The following ZNF275 variants were observed in gnomAD, a reference collection of about 807,000 sequenced individuals.
ZNF275 encodes zinc finger protein 275.
Under a neutral mutation model 4.3 loss-of-function variants are expected in ZNF275, and 4 were observed. The ratio of observed to expected loss-of-function variants is 0.93; its 90% confidence interval spans 0.46 to 2.13. The LOEUF is 2.13. ZNF275 is among the 30% of genes most tolerant of loss of function. The pLI is 0.02. For synonymous variants in ZNF275, 173 were observed against 166.9 expected (o/e 1.04, Z -0.28); for missense variants, 352 against 397.1 (o/e 0.89, Z 0.97).
rs2088548364 is a variant in ZNF275, at chrX:153,350,268, C to T, written c.*2293C>T. 1 of 124,168 alleles carries T rather than the reference C, an allele frequency of 8.1e-6. No homozygotes were observed. Among genetic ancestry groups the T allele is most frequent in the African/African-American group, 3.2e-5 (1 of 31,076 alleles). 10.2% of individuals were successfully genotyped at this position (124,168 alleles called of 1,213,427 possible). A position where few individuals can be genotyped will look rare whatever the true frequency, so the allele number is the denominator to read the frequency against. ...AGAGGCTCGGAGAGGAACCCTGCCC[C>T]TCCGATGGCTTGTGCGTTATGCTGA... On this transcript the variant is annotated 3_prime_UTR_variant, in exon 4 of 4. Transcript: ENST00000650114.
chrX:153,345,713 TAGG>T lies in ZNF275; in HGVS notation c.133+93_133+95del. The T allele has an allele frequency of 1.9e-5, 13 of 691,861 alleles. No individual in the cohort carries two copies. The East Asian group carries it at 4.8e-4, about 25-fold the overall frequency. The allele number at this position is 691,861 out of a possible 1,213,427, so 57.0% of individuals were successfully genotyped here. ...GGGTTGGAGAGCCCAGCTGAGCTGT[TAGG>T]CTTCAGGTTAGGGTTGGGGGTCCCA... On this transcript the variant is annotated intron_variant, in intron 3 of 3. Transcript: ENST00000650114.
intron 2 of ZNF275, among the ~76,000 whole-genome samples, chrX:153,338,263 C>T (rs1198424801): frequency 9.0e-6 from 1 of 111,529 alleles, no homozygotes; most frequent in African/African-American, 3.3e-5. Flanking sequence ...TCTTCCTTTG[C>T]TTCTCATGCA....
chrX:153,336,819 C>A, intron 2 of ZNF275, 109 bp downstream of exon 2: 5 of 810,146 alleles, frequency 6.2e-6, no homozygotes, highest in Non-Finnish European at 5.4e-6. Flanking sequence ...GTTTTGGTTC[C>A]GGAAGCACTT....
chrX:153,344,163 C>G (rs1189885777), intron 2 of ZNF275: 1 of 328,847 alleles, frequency 3.0e-6, no homozygotes, highest in African/African-American at 2.7e-5. Context: ...CAGGATGGAG[C>G]CCCAGGAAAC....
At position 153,352,623 on chromosome X, in the gene ZNF275, G is replaced by A. The variant is rs1556962485; in HGVS notation, c.*4648G>A. ...TGTCTCTTTAAACTTGGCCCTCAAT[G>A]TCATTTGCGTATCTCTGAGAACAAT... On this transcript the variant is annotated 3_prime_UTR_variant, in exon 4 of 4. Coordinates refer to ENST00000650114, the MANE Select transcript of ZNF275 (RefSeq NM_001367757.1). 8.9e-6 allele frequency: 1 copy of A among 112,350 alleles called. No homozygotes were observed. The allele number at this position is 112,350 out of a possible 1,213,427, so 9.3% of individuals were successfully genotyped here.
Position 153,347,829 on chromosome X carries a change from T to A in ZNF275, c.1144T>A (p.Cys382Ser), listed in dbSNP as rs2088530226. 1 of 1,209,823 alleles carries A rather than the reference T, an allele frequency of 8.3e-7. No homozygotes were observed. The highest frequency in any genetic ancestry group is 1.8e-5 in the South Asian group (1 of 56,694). The change falls in exon 4 of 4, where the codon TGC becomes AGC. Residue 382 changes from cysteine to serine, a missense_variant. Physicochemically the swap from Cys to Ser is moderately radical, Grantham distance 112 (BLOSUM62 -1). Transcript: ENST00000650114. ...SGLKPYECDKCGKAFRRSSGL... is the reference protein window; with the variant it reads ...SGLKPYECDKSGKAFRRSSGL... ...ACTGAAACCCTATGAGTGCGACAAATGCGGCAAGGCCTTCCGCCGGAGCTC... is the reference window on the plus strand; with the variant it reads ...ACTGAAACCCTATGAGTGCGACAAAAGCGGCAAGGCCTTCCGCCGGAGCTC...
In ZNF275 at chrX:153,349,254, C is replaced by T. The variant is rs1047111397; in HGVS notation, c.*1279C>T. The T allele has an allele frequency of 1.6e-5, 2 of 123,797 alleles. No individual in the cohort carries two copies. The highest frequency in any genetic ancestry group is 3.8e-5 in the Non-Finnish European group (2 of 53,326). The allele number at this position is 123,797 out of a possible 1,213,427, so 10.2% of individuals were successfully genotyped here. Reference sequence around the variant, plus strand: ...GGCTGCAGAGTGCCAGGACCACCGGCCTGGTATGGAGGTACACACTCAGTG... The same window carrying T: ...GGCTGCAGAGTGCCAGGACCACCGGTCTGGTATGGAGGTACACACTCAGTG... On this transcript the variant is annotated 3_prime_UTR_variant, in exon 4 of 4. Coordinates refer to ENST00000650114, the MANE Select transcript of ZNF275 (RefSeq NM_001367757.1).
At chrX:153,342,961 C>T (rs1250052129) in intron 2 of ZNF275, among the ~76,000 whole-genome samples, 1 of 112,706 alleles carries the variant, frequency 8.9e-6, no homozygotes, top group Non-Finnish European at 1.9e-5. Context: ...CCACTAAGCT[C>T]TATTTGGTTC....
In ZNF275 at chrX:153,347,463, A is replaced by G. The variant is rs1556961760; in HGVS notation, c.778A>G (p.Thr260Ala). 9.1e-6 allele frequency: 11 copies of G among 1,207,444 alleles called. No homozygotes were observed. The highest frequency in any genetic ancestry group is 1.1e-5 in the Non-Finnish European group (10 of 893,278). The change falls in exon 4 of 4, where the codon ACT becomes GCT. Residue 260 changes from threonine (T) to alanine (A), a missense_variant. By Grantham distance (58) the Thr-to-Ala change is moderately conservative. Transcript: ENST00000650114. ...GCTTCTCAAGCACCAGCGCATGCAC[A>G]CTGGCCACCTGCCCTTCGACTGCGA... ...QELLKHQRMH[T>A]GHLPFDCDDC...
intron 1 of ZNF275, 140 bp downstream of exon 1, chrX:153,334,425 C>G (rs1030786014): frequency 9.0e-6 from 1 of 110,677 alleles, no homozygotes; most frequent in Non-Finnish European, 1.9e-5. Flanking sequence ...GGGTGCAGGA[C>G]TGTGTGCGGG....
At chrX:153,337,517 A>T (rs955101676) in intron 2 of ZNF275, among the ~76,000 whole-genome samples, 1 of 112,566 alleles carries the variant, frequency 8.9e-6, no homozygotes, top group African/African-American at 3.2e-5. Flanking sequence ...GTTTCCATGC[A>T]GTAAATTTGA....
chrX:153,350,565 CA>C lies in ZNF275; in HGVS notation c.*2591del, dbSNP rs1216928628. 2.4e-5 allele frequency: 3 copies of C among 123,975 alleles called. No homozygotes were observed. Among genetic ancestry groups the C allele is most frequent in the African/African-American group, 9.7e-5 (3 of 31,020 alleles). The allele number at this position is 123,975 out of a possible 1,213,427, so 10.2% of individuals were successfully genotyped here. ...CCAGGGCTGTGCTGTGACTTCCCAGCAGCTGTGGCTGGGGACAGGGACACTA... is the reference window on the plus strand; with the variant it reads ...CCAGGGCTGTGCTGTGACTTCCCAGCGCTGTGGCTGGGGACAGGGACACTA... On this transcript the variant is annotated 3_prime_UTR_variant, in exon 4 of 4. Coordinates refer to ENST00000650114, the MANE Select transcript of ZNF275 (RefSeq NM_001367757.1).
At chrX:153,346,780 T>G in intron 3 of ZNF275, 39 bp from the exon 4 acceptor site, 4 of 1,134,024 alleles carry the variant, frequency 3.5e-6, no homozygotes, top group Non-Finnish European at 4.7e-6. Context: ...CCCTCCTTCA[T>G]CCTCTGCAGA....
chrX:153,346,688 C>A, intron 3 of ZNF275, 131 bp from the exon 4 acceptor site: 1 of 665,924 alleles, frequency 1.5e-6, no homozygotes, highest in Non-Finnish European at 2.2e-6. Context: ...GCAGTCCTTG[C>A]TTCTGGTGGC....
At position 153,339,742 on chromosome X, in the gene ZNF275, T is replaced by G. The variant is rs782208069; in HGVS notation, c.31+3032T>G. The stretch of plus-strand genomic sequence containing the variant: ...GGAGCCATCCATGAGAAGCCCATGG[T>G]ATTCTCAGCAGTTTCAGAGGCCTTG... On this transcript the variant is annotated intron_variant, in intron 2 of 3. Transcript: ENST00000650114. 6.3e-5 allele frequency among the ~76,000 whole-genome samples: 7 copies of G among 111,274 alleles called. No individual in the cohort carries two copies. The South Asian group carries it at 1.1e-3, about 18-fold the overall frequency.
intron 2 of ZNF275, among the ~76,000 whole-genome samples, chrX:153,343,644 G>A (rs2088493310): frequency 8.9e-6 from 1 of 111,948 alleles, no homozygotes; most frequent in African/African-American, 3.3e-5. Context: ...TGGCTTTTAA[G>A]GGCCTCACTG....
chrX:153,342,776 T>C (rs781890851), intron 2 of ZNF275, among the ~76,000 whole-genome samples: 2 of 112,401 alleles, frequency 1.8e-5, no homozygotes, highest in Non-Finnish European at 3.8e-5. Flanking sequence ...CTTTTGGAGT[T>C]TCACTCTATG....
chrX:153,337,827 T>C (rs2088456223), intron 2 of ZNF275, among the ~76,000 whole-genome samples: 1 of 111,938 alleles, frequency 8.9e-6, no homozygotes, highest in Non-Finnish European at 1.9e-5. Flanking sequence ...AGGAGAGTAA[T>C]ACCACTTACG....
chrX:153,340,336 C>A (rs1188433212), intron 2 of ZNF275, among the ~76,000 whole-genome samples: 1 of 112,175 alleles, frequency 8.9e-6, no homozygotes, highest in Non-Finnish European at 1.9e-5. Context: ...GAAGTCACAA[C>A]CCCAGGGGCC....
Sources: gnomAD v4.1 joint callset for allele counts (sites outside exome capture counted in the v4.1 genomes callset) on GRCh38, gnomAD v4.1.1 for gene constraint, MANE v1.5 for transcripts, NCBI Gene and HGNC (gene_info 2026-07-23, HGNC 2026-07-21) for gene names.